Variants in HDDC2 observed in about 807,000 individuals in gnomAD.
HDDC2 encodes 5'-deoxynucleotidase HDDC2.
Under a neutral mutation model 25.5 loss-of-function variants are expected in HDDC2, and 25 were observed. The ratio of observed to expected loss-of-function variants is 0.98; its 90% confidence interval spans 0.72 to 1.37. The LOEUF (loss-of-function observed/expected upper bound fraction) is 1.37. Among genes scored for constraint, HDDC2 ranks in the 40% most tolerant of loss-of-function variants. The probability of loss-of-function intolerance (pLI) is 0.00; values close to 1 mark genes in which losing one functional copy is unlikely to be tolerated. For synonymous variants in HDDC2, 106 were observed against 89.7 expected (o/e 1.18, Z -1.03); for missense variants, 264 against 253.1 (o/e 1.04, Z -0.29).
At chr6:125,292,050 G>A (rs573651234) in intron 4 of HDDC2, among the ~76,000 whole-genome samples, 121 of 152,236 alleles carry the variant, frequency 7.9e-4, no homozygotes, top group African/African-American at 2.7e-3. Flanking sequence ...AGGGAAGGTA[G>A]AAGATCAAGC....
chr6:125,291,688 A>G (rs59084265), intron 4 of HDDC2, among the ~76,000 whole-genome samples: 2,705 of 152,246 alleles, frequency 0.018, 93 homozygotes, highest in African/African-American at 0.062. Context: ...AGAGGAGAAA[A>G]TGTGGTTAAA....
Position 125,300,654 on chromosome 6 carries a change from G to A in HDDC2, c.90C>T (p.Val30=), listed in dbSNP as rs1409476719. The stretch of plus-strand genomic sequence containing the variant: ...TTCTGTATACCCAGCCAGTTCGTGG[G>A]ACTCTCTGATAAATATGAAGAAGAA... ...FLRLVGQLKR[V]PRTGWVYRNV... The change falls in exon 2 of 6, where the codon GTC becomes GTT. Residue 30 remains valine, a synonymous_variant. Transcript: ENST00000398153. 12 of 1,611,610 alleles carry A rather than the reference G, an allele frequency of 7.4e-6. No individual in the cohort carries two copies. The African/African-American group carries it at 1.3e-4, about 18-fold the overall frequency.
chr6:125,298,649 C>T, intron 3 of HDDC2, 65 bp downstream of exon 3: 1 of 1,199,034 alleles, frequency 8.3e-7, no homozygotes, highest in Non-Finnish European at 1.2e-6. Context: ...GTCTCATAAA[C>T]TTAGCTTTGC....
rs1323256893 is a variant in HDDC2 at position 125,275,439 on chromosome 6, A to G, written c.*707T>C. On this transcript the variant is annotated 3_prime_UTR_variant, in exon 6 of 6. Coordinates refer to ENST00000398153, the MANE Select transcript of HDDC2 (RefSeq NM_016063.3). Reference sequence around the variant, plus strand: ...GGCTCAATGACCCCAGTTCCTATTTATATTTCTCACCTGATGATACATGCT... The same window carrying G: ...GGCTCAATGACCCCAGTTCCTATTTGTATTTCTCACCTGATGATACATGCT... 4 of 152,340 alleles carry G rather than the reference A, an allele frequency of 2.6e-5. No individual in the cohort carries two copies. Among genetic ancestry groups the G allele is most frequent in the African/African-American group, 7.2e-5 (3 of 41,580 alleles). The allele number at this position is 152,340 out of a possible 1,614,324, so 9.4% of individuals were successfully genotyped here.
At chr6:125,289,779 G>A in intron 4 of HDDC2, among the ~76,000 whole-genome samples, 1 of 152,168 alleles carries the variant, frequency 6.6e-6, no homozygotes, top group East Asian at 1.9e-4. Context: ...ACAATGTGGA[G>A]AGAAAACTTG....
chr6:125,281,705 G>C (rs1190981054), intron 4 of HDDC2, among the ~76,000 whole-genome samples: 1 of 152,170 alleles, frequency 6.6e-6, no homozygotes, highest in Non-Finnish European at 1.5e-5. Context: ...GGGACTATGT[G>C]AAAAGACCAA....
intron 1 of HDDC2, among the ~76,000 whole-genome samples, chr6:125,301,515 G>A (rs1186282464): frequency 1.4e-5 from 2 of 144,426 alleles, no homozygotes; most frequent in Non-Finnish European, 3.0e-5. Flanking sequence ...CACGAGTTCT[G>A]GGGTCGTGAG....
intron 2 of HDDC2, among the ~76,000 whole-genome samples, chr6:125,300,034 G>A (rs1026318774): frequency 7.2e-5 from 11 of 152,158 alleles, no homozygotes; most frequent in Non-Finnish European, 1.3e-4. Context: ...TTGGGCCTGC[G>A]TAATTCACTT....
At chr6:125,289,504 AC>A (rs1466536076) in intron 4 of HDDC2, among the ~76,000 whole-genome samples, 22,108 of 129,626 alleles carry the variant, frequency 0.17, 2,192 homozygotes, top group African/African-American at 0.3. Context: ...ATTAAAAAAA[AC>A]AAAACAAAAC....
Position 125,275,867 on chromosome 6 carries a change from A to G in HDDC2, c.*279T>C. On this transcript the variant is annotated 3_prime_UTR_variant, in exon 6 of 6. Coordinates refer to ENST00000398153, the MANE Select transcript of HDDC2 (RefSeq NM_016063.3). ...AGAATAAGATGATTTTAAATCTCCA[A>G]TAAATATTCTAATATTTTAGGTGTT... The G allele has an allele frequency of 2.8e-6, 1 of 361,672 alleles. No individual in the cohort carries two copies. Among genetic ancestry groups the G allele is most frequent in the East Asian group, 4.8e-5 (1 of 20,926 alleles). 22.4% of individuals were successfully genotyped at this position (361,672 alleles called of 1,614,324 possible).
At chr6:125,285,509 T>C (rs900959134) in intron 4 of HDDC2, among the ~76,000 whole-genome samples, 1 of 151,660 alleles carries the variant, frequency 6.6e-6, no homozygotes, top group Non-Finnish European at 1.5e-5. Context: ...GAAATGAAGA[T>C]GATATAAAGA....
At chr6:125,286,322 C>G (rs1054072583) in intron 4 of HDDC2, among the ~76,000 whole-genome samples, 1 of 152,060 alleles carries the variant, frequency 6.6e-6, no homozygotes, top group African/African-American at 2.4e-5. Context: ...TAGATATAGT[C>G]CAACTATTCA....
At position 125,301,943 on chromosome 6, in the gene HDDC2, A is replaced by G. The variant is rs1562454049; in HGVS notation, c.-11T>C. 5 of 1,545,548 alleles carry G rather than the reference A, an allele frequency of 3.2e-6. No individual in the cohort carries two copies. The Admixed American group carries it at 7.8e-5, about 24-fold the overall frequency. ...GGAGACCGAAGCCATGCGGCCACCG[A>G]CCCCGGCTGGGCGGAGCAGGCCGCG... On this transcript the variant is annotated 5_prime_UTR_variant, in exon 1 of 6. Coordinates refer to ENST00000398153, the MANE Select transcript of HDDC2 (RefSeq NM_016063.3).
Position 125,301,899 on chromosome 6 carries a change from G to C in HDDC2, c.34C>G (p.His12Asp). The C allele has an allele frequency of 6.4e-7, 1 of 1,551,966 alleles. No homozygotes were observed. The highest frequency in any genetic ancestry group is 2.4e-5 in the East Asian group (1 of 41,570). Reference sequence around the variant, plus strand: ...AACTGCAGTAGGGACCGAGCCCCGTGGCCCGAGAAGGTCGCAGAGGAGACC... The same window carrying C: ...AACTGCAGTAGGGACCGAGCCCCGTCGCCCGAGAAGGTCGCAGAGGAGACC... ...ASVSSATFSG[H>D]GARSLLQFLR... The change falls in exon 1 of 6, where the codon CAC (histidine) becomes GAC (aspartate). Residue 12 changes from histidine to aspartate, a missense_variant. Coordinates refer to ENST00000398153, the MANE Select transcript of HDDC2 (RefSeq NM_016063.3).
chr6:125,297,417 T>G (rs1363852668), intron 3 of HDDC2: 1 of 394,776 alleles, frequency 2.5e-6, no homozygotes, highest in Non-Finnish European at 4.5e-6. Flanking sequence ...ATTCCCCTTG[T>G]GCCTACACTT....
chr6:125,297,572 A>G lies in HDDC2; in HGVS notation c.309+1142T>C, dbSNP rs756792693. ...GGAGTTTCTTATGTCTTCCTTTTCTACAAAGACACAGTAACAGTCTGATGT... is the reference window on the plus strand; with the variant it reads ...GGAGTTTCTTATGTCTTCCTTTTCTGCAAAGACACAGTAACAGTCTGATGT... On this transcript the variant is annotated intron_variant, in intron 3 of 5. Coordinates refer to ENST00000398153, the MANE Select transcript of HDDC2 (RefSeq NM_016063.3). The G allele has an allele frequency of 1.7e-5, 7 of 404,844 alleles. No individual in the cohort carries two copies. In the South Asian group the frequency reaches 6.2e-4, roughly 36 times the overall value. 25.1% of individuals were successfully genotyped at this position (404,844 alleles called of 1,614,324 possible). A position where few individuals can be genotyped will look rare whatever the true frequency, so the allele number is the denominator to read the frequency against.
At chr6:125,276,348 T>G in intron 5 of HDDC2, 105 bp from the exon 6 acceptor site, 1 of 805,102 alleles carries the variant, frequency 1.2e-6, no homozygotes, top group Non-Finnish European at 2.1e-6. Context: ...TAGTCTACGA[T>G]CTGACCCACA....
At position 125,282,079 on chromosome 6, in the gene HDDC2, C is replaced by A. The variant is rs145334522; in HGVS notation, c.379-4839G>T. On this transcript the variant is annotated intron_variant, in intron 4 of 5. Coordinates refer to ENST00000398153, the MANE Select transcript of HDDC2 (RefSeq NM_016063.3). ...TTTAAAAAAGGGCTGGGCACGGTGG[C>A]TCATGCCTGTAATCCAAACACTTTG... Among the ~76,000 whole-genome samples, 9 of 152,292 alleles carry A rather than the reference C, an allele frequency of 5.9e-5. No individual in the cohort carries two copies. The East Asian group carries it at 1.7e-3, about 29-fold the overall frequency.
intron 1 of HDDC2, among the ~76,000 whole-genome samples, chr6:125,301,442 T>TACACACACACACACACAC (rs3039619): frequency 0.011 from 1,560 of 145,146 alleles, 23 homozygotes; most frequent in Middle Eastern, 0.086. Flanking sequence ...AGCCGCGCTT[T>TACACACACACACACACAC]ACACACACAC....
Sources: gnomAD v4.1 joint callset for allele counts (sites outside exome capture counted in the v4.1 genomes callset) on GRCh38, gnomAD v4.1.1 for gene constraint, MANE v1.5 for transcripts, NCBI Gene and HGNC (gene_info 2026-07-23, HGNC 2026-07-21) for gene names.